The following JMJD1C variants were observed in gnomAD, a reference collection of about 807,000 sequenced individuals.
JMJD1C encodes jumonji domain containing 1C.
Under a neutral mutation model 245.3 loss-of-function variants are expected in JMJD1C, and 31 were observed. The observed-to-expected ratio is 0.13, with a 90% CI of 0.09 to 0.17. The LOEUF is 0.17. Among genes scored for constraint, JMJD1C ranks in the 10% least tolerant of loss-of-function variants. The probability of loss-of-function intolerance (pLI) is 1.00; values close to 1 mark genes in which losing one functional copy is unlikely to be tolerated. For missense variants in JMJD1C, 2,691 were observed against 3,000.2 expected (o/e 0.90, Z 2.41); for synonymous variants, 1,057 against 1,017.4 (o/e 1.04, Z -0.74).
chr10:63,351,242 C>G (rs1203654115), intron 2 of JMJD1C, among the ~76,000 whole-genome samples: 2 of 151,848 alleles, frequency 1.3e-5, no homozygotes, highest in African/African-American at 4.8e-5. Context: ...CCACGCCCAG[C>G]TAATTTTGGT....
intron 3 of JMJD1C, among the ~76,000 whole-genome samples, chr10:63,252,374 AC>A (rs1237138544): frequency 6.6e-6 from 1 of 152,158 alleles, no homozygotes; most frequent in African/African-American, 2.4e-5. Flanking sequence ...AAAGCAGATT[AC>A]CCCTAACACA....
At chr10:63,356,994 G>C (rs1423639488) in intron 2 of JMJD1C, among the ~76,000 whole-genome samples, 2 of 85,778 alleles carry the variant, frequency 2.3e-5, no homozygotes, top group Non-Finnish European at 3.5e-5. Flanking sequence ...TCTGGAACTT[G>C]GTATGCCTTC....
At chr10:63,477,334 C>A (rs1343584395) in intron 1 of JMJD1C, among the ~76,000 whole-genome samples, 1 of 151,864 alleles carries the variant, frequency 6.6e-6, no homozygotes, top group Admixed American at 6.6e-5. Context: ...AATATGCTAT[C>A]TTATATTAAG....
intron 3 of JMJD1C, among the ~76,000 whole-genome samples, chr10:63,244,202 C>T (rs1851873726): frequency 6.6e-6 from 1 of 152,184 alleles, no homozygotes; most frequent in Non-Finnish European, 1.5e-5. Context: ...CAGCACCATG[C>T]TGTGGAGATT....
At chr10:63,350,619 T>G (rs1944272266) in intron 2 of JMJD1C, among the ~76,000 whole-genome samples, 1 of 147,814 alleles carries the variant, frequency 6.8e-6, no homozygotes, top group Non-Finnish European at 1.5e-5. Flanking sequence ...GAACCAACTT[T>G]TTTTTTTTTT....
intron 1 of JMJD1C, among the ~76,000 whole-genome samples, chr10:63,459,728 T>C (rs1158308415): frequency 6.6e-6 from 1 of 152,138 alleles, no homozygotes; most frequent in Non-Finnish European, 1.5e-5. Flanking sequence ...CTTTCATTAT[T>C]CAAAAAGAGT....
chr10:63,323,689 C>T (rs1237101006), intron 2 of JMJD1C, among the ~76,000 whole-genome samples: 1 of 152,092 alleles, frequency 6.6e-6, no homozygotes, highest in African/African-American at 2.4e-5. Context: ...AATGAGATGG[C>T]TAGTACAATG....
At chr10:63,472,862 G>A (rs1402312703) in intron 1 of JMJD1C, among the ~76,000 whole-genome samples, 2 of 151,628 alleles carry the variant, frequency 1.3e-5, no homozygotes, top group African/African-American at 4.8e-5. Context: ...TAGGATCACC[G>A]CAACCGCCTT....
chr10:63,305,459 C>CCCCTCT (rs1554880648), intron 2 of JMJD1C, among the ~76,000 whole-genome samples: 1 of 113,020 alleles, frequency 8.8e-6, no homozygotes, highest in Non-Finnish European at 1.8e-5. Context: ...ACGCTCTGAC[C>CCCCTCT]CTCTCTCTCT....
chr10:63,184,960 T>TG (rs529981954), intron 20 of JMJD1C, among the ~76,000 whole-genome samples: 59 of 152,284 alleles, frequency 3.9e-4, no homozygotes, highest in Admixed American at 2.9e-3. Context: ...AACAGGGTCC[T>TG]GTGTTCTCTT....
At position 63,214,014 on chromosome 10, in the gene JMJD1C, G is replaced by A. The variant is rs1220977767; in HGVS notation, c.2153C>T (p.Ala718Val). ...NEHFTVYRDP[A>V]LIGSETGANH... ...AGCTCCTGTTTCTGACCCAATAAGT[G>A]CAGGATCTCTGTAAACTGTAAAATG... The change falls in exon 8 of 26, where the codon GCA (alanine) becomes GTA (valine). Residue 718 changes from alanine to valine, a missense_variant. Coordinates refer to ENST00000399262, the MANE Select transcript of JMJD1C (RefSeq NM_032776.3). 1.9e-6 allele frequency: 3 copies of A among 1,614,078 alleles called. No individual in the cohort carries two copies.
intron 3 of JMJD1C, among the ~76,000 whole-genome samples, chr10:63,259,285 C>T (rs1178394034): frequency 6.6e-6 from 1 of 152,136 alleles, no homozygotes; most frequent in African/African-American, 2.4e-5. Context: ...TGTCTAGTAA[C>T]GACCAAACAA....
chr10:63,381,768 T>A (rs1947237432), intron 1 of JMJD1C, among the ~76,000 whole-genome samples: 1 of 152,192 alleles, frequency 6.6e-6, no homozygotes, highest in Non-Finnish European at 1.5e-5. Flanking sequence ...ACCCCTTAGT[T>A]ATGACAGGGA....
At chr10:63,426,926 A>G (rs1306428730) in intron 1 of JMJD1C, among the ~76,000 whole-genome samples, 1 of 152,236 alleles carries the variant, frequency 6.6e-6, no homozygotes, top group Non-Finnish European at 1.5e-5. Context: ...TTTATCATCA[A>G]GTATAAAACT....
At chr10:63,424,819 T>C (rs1950348954) in intron 1 of JMJD1C, among the ~76,000 whole-genome samples, 1 of 151,918 alleles carries the variant, frequency 6.6e-6, no homozygotes, top group Non-Finnish European at 1.5e-5. Context: ...CTCAGAGAAA[T>C]AAAAGTGATG....
chr10:63,295,626 C>T (rs1331889151), intron 2 of JMJD1C, among the ~76,000 whole-genome samples: 1 of 151,984 alleles, frequency 6.6e-6, no homozygotes, highest in Non-Finnish European at 1.5e-5. Context: ...GAAAAAGGTA[C>T]AATTTATTTC....
At chr10:63,344,206 C>T (rs888198390) in intron 2 of JMJD1C, among the ~76,000 whole-genome samples, 13 of 152,144 alleles carry the variant, frequency 8.5e-5, no homozygotes, top group African/African-American at 2.9e-4. Flanking sequence ...TGGTAAGTAA[C>T]CTGTATAGTA....
intron 1 of JMJD1C, among the ~76,000 whole-genome samples, chr10:63,473,255 T>C (rs1953551274): frequency 6.6e-6 from 1 of 151,010 alleles, no homozygotes; most frequent in African/African-American, 2.4e-5. Flanking sequence ...TAAAAAAACT[T>C]TTTTTTTTGA....
chr10:63,383,662 T>A (rs905996375), intron 1 of JMJD1C, among the ~76,000 whole-genome samples: 2 of 152,182 alleles, frequency 1.3e-5, no homozygotes, highest in Non-Finnish European at 2.9e-5. Flanking sequence ...ATCACACCAC[T>A]GCACTGCAGC....
Sources: gnomAD v4.1 joint callset for allele counts (sites outside exome capture counted in the v4.1 genomes callset) on GRCh38, gnomAD v4.1.1 for gene constraint, MANE v1.5 for transcripts, NCBI Gene and HGNC (gene_info 2026-07-23, HGNC 2026-07-21) for gene names.